Variants in PACRG observed in about 807,000 individuals in gnomAD.
PACRG encodes the protein parkin coregulated.
A neutral mutation model predicts 29.7 loss-of-function variants in PACRG; 29 were observed. That is an observed-to-expected ratio of 0.98 (90% CI 0.73 to 1.33). PACRG has a LOEUF of 1.33. Among genes scored for constraint, PACRG ranks in the 40% most tolerant of loss-of-function variants. The pLI is 0.00. For missense variants in PACRG, 279 were observed against 316.2 expected (o/e 0.88, Z 0.89); for synonymous variants, 116 against 118.7 (o/e 0.98, Z 0.15).
intron 1 of PACRG, among the ~76,000 whole-genome samples, chr6:162,795,630 C>T (rs1183587817): frequency 6.6e-6 from 1 of 151,774 alleles, no homozygotes; most frequent in Non-Finnish European, 1.5e-5. Flanking sequence ...AAAAGAAAAA[C>T]CTAGTTGTAT....
At chr6:162,993,568 GC>G (rs1803664889) in intron 2 of PACRG, among the ~76,000 whole-genome samples, 1 of 4,888 alleles carries the variant, frequency 2.0e-4, no homozygotes, top group African/African-American at 8.3e-4. Flanking sequence ...TGCAACCCCT[GC>G]CTTTTTTTGT....
chr6:163,272,892 C>CTTTTTTT (rs200076248), intron 4 of PACRG, among the ~76,000 whole-genome samples: 7 of 109,480 alleles, frequency 6.4e-5, no homozygotes, highest in Non-Finnish European at 1.1e-4. Context: ...ATGCATCATT[C>CTTTTTTT]TTTTTTTTTT....
At chr6:162,740,155 C>T (rs1187755630) in intron 1 of PACRG, among the ~76,000 whole-genome samples, 4 of 152,070 alleles carry the variant, frequency 2.6e-5, no homozygotes, top group Non-Finnish European at 4.4e-5. Context: ...TTGTATTTAG[C>T]GAGATGAGTT....
chr6:162,903,156 A>G (rs976416571), intron 2 of PACRG, among the ~76,000 whole-genome samples: 2 of 152,108 alleles, frequency 1.3e-5, no homozygotes, highest in Admixed American at 1.3e-4. Context: ...TTTCTCCCAT[A>G]CTACAGTTTG....
intron 4 of PACRG, among the ~76,000 whole-genome samples, chr6:163,114,217 T>G (rs1373713489): frequency 1.3e-5 from 2 of 152,196 alleles, no homozygotes; most frequent in African/African-American, 4.8e-5. Context: ...GCCACTGCAC[T>G]TCAGCCTGGG....
At chr6:162,855,114 C>G (rs1199424371) in intron 2 of PACRG, among the ~76,000 whole-genome samples, 1 of 152,242 alleles carries the variant, frequency 6.6e-6, no homozygotes, top group Non-Finnish European at 1.5e-5. Flanking sequence ...CTGCTGTTAA[C>G]TAGCTGTGTG....
At chr6:163,123,620 C>G (rs1176575848) in intron 4 of PACRG, among the ~76,000 whole-genome samples, 1 of 152,200 alleles carries the variant, frequency 6.6e-6, no homozygotes, top group African/African-American at 2.4e-5. Context: ...TCTTGTGTAA[C>G]TGTAATTTGA....
chr6:163,124,052 A>G (rs1031163544), intron 4 of PACRG, among the ~76,000 whole-genome samples: 7 of 151,978 alleles, frequency 4.6e-5, no homozygotes, highest in Admixed American at 2.6e-4. Flanking sequence ...TTTTTGAGGA[A>G]CCTCCATGCT....
chr6:163,121,168 C>T (rs962041191), intron 4 of PACRG, among the ~76,000 whole-genome samples: 11 of 152,154 alleles, frequency 7.2e-5, no homozygotes, highest in South Asian at 2.1e-4. Context: ...CTCATCAAAC[C>T]TCAATTTATT....
chr6:162,978,004 C>T (rs1303109060), intron 2 of PACRG, among the ~76,000 whole-genome samples: 1 of 151,136 alleles, frequency 6.6e-6, no homozygotes, highest in African/African-American at 2.5e-5. Flanking sequence ...ATTAGCCAGG[C>T]ATGTTGGCAG....
intron 1 of PACRG, among the ~76,000 whole-genome samples, chr6:162,798,589 G>T (rs1308006259): frequency 6.6e-6 from 1 of 152,052 alleles, no homozygotes; most frequent in African/African-American, 2.4e-5. Context: ...AAAATAAGAA[G>T]AAGAAAGGAG....
chr6:163,165,385 G>C (rs2128343729), intron 4 of PACRG: 1 of 152,482 alleles, frequency 6.6e-6, no homozygotes, highest in South Asian at 2.1e-4. Context: ...CTGGGGGAGA[G>C]AGGTCTGACT....
At chr6:162,966,237 C>T (rs2128151511) in intron 2 of PACRG, among the ~76,000 whole-genome samples, 1 of 152,328 alleles carries the variant, frequency 6.6e-6, no homozygotes, top group South Asian at 2.1e-4. Flanking sequence ...CCTCATGTGA[C>T]CCAGAGTAGG....
At chr6:163,129,587 C>T (rs1230600005) in intron 4 of PACRG, among the ~76,000 whole-genome samples, 1 of 152,200 alleles carries the variant, frequency 6.6e-6, no homozygotes, top group African/African-American at 2.4e-5. Context: ...ACACAGTACT[C>T]TGTGTCCAGT....
chr6:162,930,153 T>C (rs1797743028), intron 2 of PACRG, among the ~76,000 whole-genome samples: 1 of 152,020 alleles, frequency 6.6e-6, no homozygotes, highest in Non-Finnish European at 1.5e-5. Flanking sequence ...GGTATTTTGA[T>C]AAAGATTGCA....
chr6:163,265,002 G>A (rs1474862875), intron 4 of PACRG, among the ~76,000 whole-genome samples: 1 of 152,308 alleles, frequency 6.6e-6, no homozygotes, highest in East Asian at 1.9e-4. Context: ...ATAGATCCTA[G>A]CAATGGATGA....
chr6:163,100,625 C>A (rs1011387871), intron 4 of PACRG: 10 of 301,454 alleles, frequency 3.3e-5, no homozygotes, highest in Middle Eastern at 1.7e-3. Context: ...GGTCGAGGGA[C>A]CCTCGTGTCA....
At chr6:162,827,662 G>C (rs1788399381) in intron 2 of PACRG, among the ~76,000 whole-genome samples, 1 of 152,068 alleles carries the variant, frequency 6.6e-6, no homozygotes, top group Non-Finnish European at 1.5e-5. Context: ...CTCATCACTT[G>C]ATGTCTTGTA....
intron 1 of PACRG, among the ~76,000 whole-genome samples, chr6:162,778,296 T>G (rs766988474): frequency 6.6e-6 from 1 of 152,148 alleles, no homozygotes; most frequent in African/African-American, 2.4e-5. Context: ...GCTTTGTGCT[T>G]TTTCCTGTTT....
Sources: gnomAD v4.1 joint callset for allele counts (sites outside exome capture counted in the v4.1 genomes callset) on GRCh38, gnomAD v4.1.1 for gene constraint, MANE v1.5 for transcripts, NCBI Gene and HGNC (gene_info 2026-07-23, HGNC 2026-07-21) for gene names.